Variants in MALRD1 observed in about 807,000 individuals in gnomAD.
The protein encoded by MALRD1 is MAM and LDL receptor class A domain containing 1.
Under a neutral mutation model 242.1 loss-of-function variants are expected in MALRD1, and 247 were observed. The ratio of observed to expected loss-of-function variants is 1.02; its 90% confidence interval spans 0.92 to 1.13. The LOEUF (loss-of-function observed/expected upper bound fraction) is 1.13, where lower values mean the gene tolerates loss of function less well. MALRD1 is among the 50% of genes most tolerant of loss of function. The probability of loss-of-function intolerance (pLI) is 0.00; values close to 1 mark genes in which losing one functional copy is unlikely to be tolerated. For missense variants in MALRD1, 2,989 were observed against 2,533.1 expected (o/e 1.18, Z -3.86); for synonymous variants, 995 against 866.6 (o/e 1.15, Z -2.60).
chr10:19,162,278 CTTCCTCTCT>C (rs1834464365), intron 12 of MALRD1, among the ~76,000 whole-genome samples: 1 of 149,698 alleles, frequency 6.7e-6, no homozygotes, highest in African/African-American at 2.4e-5. Flanking sequence ...GATTATCTTT[CTTCCTCTCT>C]TTCCTCTCTC....
At chr10:19,690,996 A>G (rs1393873111) in intron 36 of MALRD1, among the ~76,000 whole-genome samples, 1 of 152,052 alleles carries the variant, frequency 6.6e-6, no homozygotes, top group East Asian at 1.9e-4. Context: ...GGAAAGTGGC[A>G]CTATCAACAT....
chr10:19,390,915 C>A (rs1000970414), intron 28 of MALRD1, among the ~76,000 whole-genome samples: 2 of 152,126 alleles, frequency 1.3e-5, no homozygotes, highest in Non-Finnish European at 2.9e-5. Flanking sequence ...TGGAAACTTA[C>A]AAAAATATAG....
chr10:19,654,216 A>G (rs1169648877), intron 36 of MALRD1, among the ~76,000 whole-genome samples: 1 of 133,292 alleles, frequency 7.5e-6, no homozygotes, highest in African/African-American at 2.6e-5. Context: ...TCCAGTGGGA[A>G]CAAACACATT....
At chr10:19,378,535 T>C (rs779433787) in intron 26 of MALRD1, among the ~76,000 whole-genome samples, 6 of 152,178 alleles carry the variant, frequency 3.9e-5, no homozygotes, top group Non-Finnish European at 7.4e-5. Flanking sequence ...CTTGATCTGA[T>C]GTGTGCCAGA....
chr10:19,263,864 G>A (rs1017670479), intron 19 of MALRD1, among the ~76,000 whole-genome samples: 4 of 152,270 alleles, frequency 2.6e-5, no homozygotes, highest in Middle Eastern at 3.4e-3. Context: ...AAATTGGGAA[G>A]TATGATGCCA....
chr10:19,282,951 G>A (rs1840888497), intron 20 of MALRD1, 68 bp from the exon 21 acceptor site: 2 of 1,141,884 alleles, frequency 1.8e-6, no homozygotes, highest in South Asian at 2.6e-5. Flanking sequence ...AGAAAGTGCT[G>A]ATTAAGATTG....
At chr10:19,724,253 C>T (rs148393470) in intron 38 of MALRD1, among the ~76,000 whole-genome samples, 103 of 151,952 alleles carry the variant, frequency 6.8e-4, no homozygotes, top group Non-Finnish European at 1.2e-3. Flanking sequence ...GGTAAATTGG[C>T]GGGAGGGGGA....
intron 8 of MALRD1, 103 bp from the exon 9 acceptor site, chr10:19,133,753 A>G: frequency 4.6e-6 from 2 of 438,024 alleles, no homozygotes; most frequent in South Asian, 1.2e-4. Context: ...TTTATATCAT[A>G]CAGGTAAGGT....
intron 31 of MALRD1, among the ~76,000 whole-genome samples, chr10:19,513,671 G>A (rs1199053025): frequency 4.0e-5 from 6 of 151,886 alleles, no homozygotes; most frequent in Admixed American, 2.0e-4. Context: ...CCCGGGAGGC[G>A]GCGGTTGCAG....
Position 19,475,356 on chromosome 10 carries a change from A to G in MALRD1, c.5030-16161A>G, listed in dbSNP as rs182869402. Among the ~76,000 whole-genome samples, 161 of 152,332 alleles carry G rather than the reference A, an allele frequency of 1.1e-3. 2 individuals carry two copies. Among genetic ancestry groups the G allele is most frequent in the Admixed American group, 9.1e-3 (139 of 15,300 alleles). On this transcript the variant is annotated intron_variant, in intron 29 of 39. Transcript: ENST00000454679. ...TGTGAACCCAGGAGGCGGAGCTTGC[A>G]GTGAGCTGAGATTGCATCACTGCAT...
At chr10:19,358,195 A>AGTGTGTGTGTGTGT (rs776862926) in intron 26 of MALRD1, among the ~76,000 whole-genome samples, 2,315 of 145,620 alleles carry the variant, frequency 0.016, 39 homozygotes, top group Middle Eastern at 0.035. Context: ...GCAGGAGTCA[A>AGTGTGTGTGTGTGT]GTGTGTGTGT....
chr10:19,319,194 T>C (rs988540645), intron 21 of MALRD1, among the ~76,000 whole-genome samples: 2 of 152,112 alleles, frequency 1.3e-5, no homozygotes, highest in Non-Finnish European at 2.9e-5. Flanking sequence ...CGGTTAGTGA[T>C]TTTTATATAC....
intron 35 of MALRD1, among the ~76,000 whole-genome samples, chr10:19,610,100 A>G (rs539473629): frequency 3.7e-4 from 56 of 152,122 alleles, no homozygotes; most frequent in African/African-American, 1.3e-3. Flanking sequence ...GTTAATTAAC[A>G]CATCATAATT....
chr10:19,588,374 C>G (rs540946966), intron 33 of MALRD1, among the ~76,000 whole-genome samples: 55 of 152,258 alleles, frequency 3.6e-4, no homozygotes, highest in African/African-American at 1.3e-3. Flanking sequence ...ATGCCATTTA[C>G]TCTTTTGGGC....
At chr10:19,199,555 C>A (rs1193962894) in intron 14 of MALRD1, among the ~76,000 whole-genome samples, 1 of 152,152 alleles carries the variant, frequency 6.6e-6, no homozygotes, top group Non-Finnish European at 1.5e-5. Context: ...AATCTCAGTA[C>A]TTTGAGAGGC....
Position 19,607,783 on chromosome 10 carries a change from A to C in MALRD1, c.5951A>C (p.Lys1984Thr). ...FNEDELICSNKSCSNGALVCA... is the reference protein window; with the variant it reads ...FNEDELICSNTSCSNGALVCA... ...TATTCTTTTTTTTTTGCAGCCAACA[A>C]AAGCTGTTCTAATGGAGCTCTGGTG... Residue 1984 changes from lysine (K) to threonine (T), a missense_variant, in exon 35 of 40, where the codon AAA becomes ACA. Coordinates refer to ENST00000454679, the MANE Select transcript of MALRD1 (RefSeq NM_001142308.3). 1 of 1,548,290 alleles carries C rather than the reference A, an allele frequency of 6.5e-7. No homozygotes were observed. Among genetic ancestry groups the C allele is most frequent in the Non-Finnish European group, 8.7e-7 (1 of 1,145,964 alleles).
At chr10:19,189,857 T>C (rs1835898216) in intron 14 of MALRD1, among the ~76,000 whole-genome samples, 1 of 152,154 alleles carries the variant, frequency 6.6e-6, no homozygotes, top group African/African-American at 2.4e-5. Flanking sequence ...AGCTACATTA[T>C]ACTCATTGGT....
rs780163504 is a variant in MALRD1, at chr10:19,107,717, CTTG to C, written c.694+3648_694+3650del. Among the ~76,000 whole-genome samples the C allele has an allele frequency of 2.1e-4, 32 of 150,564 alleles. No individual in the cohort carries two copies. The East Asian group carries it at 4.3e-3, about 20-fold the overall frequency. On this transcript the variant is annotated intron_variant, in intron 5 of 39. Coordinates refer to ENST00000454679, the MANE Select transcript of MALRD1 (RefSeq NM_001142308.3). ...TTGTAGAAATTTGTTTCTTTCTTCT[CTTG>C]TTGTTTATCTTTGTGGTTTGGTGGT...
chr10:19,604,221 C>T (rs548905768), intron 34 of MALRD1, among the ~76,000 whole-genome samples: 1 of 152,186 alleles, frequency 6.6e-6, no homozygotes, highest in South Asian at 2.1e-4. Flanking sequence ...AGCAAAACAG[C>T]CTTATTGTGG....
Sources: allele counts gnomAD v4.1 joint callset (sites outside exome capture counted in the v4.1 genomes callset), GRCh38; gene constraint gnomAD v4.1.1; transcripts MANE v1.5; gene names NCBI Gene and HGNC (gene_info 2026-07-23, HGNC 2026-07-21).